SPATA31H1: variants seen among roughly 807,000 people sequenced by gnomAD.
SPATA31H1 encodes the protein SPATA31 subfamily H member 1.
chr2:27,548,134 A>G, the SPATA31H1 span, among the ~76,000 whole-genome samples: 1 of 151,556 alleles, frequency 6.6e-6, no homozygotes, highest in African/African-American at 2.4e-5. Context: ...GGCGCCTGCC[A>G]CTGTGCCTGG....
the SPATA31H1 span, among the ~76,000 whole-genome samples, chr2:27,559,654 A>G: frequency 6.6e-6 from 1 of 151,124 alleles, no homozygotes; most frequent in Non-Finnish European, 1.5e-5. Context: ...TGTTTCTATT[A>G]TTTTAGTGGT....
chr2:27,554,883 A>AT, the SPATA31H1 span, among the ~76,000 whole-genome samples: 150 of 151,900 alleles, frequency 9.9e-4, 3 homozygotes, highest in African/African-American at 3.4e-3. Context: ...CCTCTGGAGA[A>AT]TTTTTTGTAA....
chr2:27,562,652 C>T, the SPATA31H1 span, among the ~76,000 whole-genome samples: 3 of 151,164 alleles, frequency 2.0e-5, no homozygotes, highest in Admixed American at 1.3e-4. Context: ...TTTGGGAGGC[C>T]GAGGCAGGTG....
At chr2:27,566,837 C>T in the SPATA31H1 span, 1 of 717,748 alleles carries the variant, frequency 1.4e-6, no homozygotes, top group Non-Finnish European at 2.6e-6. Flanking sequence ...GCTGTTGTGA[C>T]TATAAGAAAG....
the SPATA31H1 span, chr2:27,579,781 ATT>A: frequency 1.2e-6 from 2 of 1,614,160 alleles, no homozygotes; most frequent in Non-Finnish European, 1.7e-6. Flanking sequence ...CTCAAGCCAA[ATT>A]ATCTTTCCCA....
the SPATA31H1 span, among the ~76,000 whole-genome samples, chr2:27,548,110 T>A: frequency 1.3e-5 from 2 of 151,052 alleles, no homozygotes; most frequent in African/African-American, 4.9e-5. Context: ...GCCTCCCCAG[T>A]AGCTGGGACT....
At chr2:27,569,763 C>T in the SPATA31H1 span, 1 of 398,912 alleles carries the variant, frequency 2.5e-6, no homozygotes, top group Non-Finnish European at 4.4e-6. Flanking sequence ...GAGGGAAGAG[C>T]TCCAACGTGT....
the SPATA31H1 span, chr2:27,577,732 G>A: frequency 3.7e-6 from 6 of 1,614,040 alleles, no homozygotes; most frequent in Non-Finnish European, 5.1e-6. This position sits in a 1 kb window ranked among gnomAD's most constrained non-coding sequence, Gnocchi z 4.5. Flanking sequence ...CATCATGTGG[G>A]ATCTCCAGGG....
the SPATA31H1 span, chr2:27,575,246 T>A: frequency 2.5e-6 from 1 of 398,450 alleles, no homozygotes; most frequent in South Asian, 1.3e-4. The surrounding 1 kb of genome is among the most constrained non-coding windows in gnomAD (Gnocchi z 4.1). Flanking sequence ...AGATTCATAG[T>A]GTGGCACCTT....
At chr2:27,556,241 C>G in the SPATA31H1 span, among the ~76,000 whole-genome samples, 1 of 148,914 alleles carries the variant, frequency 6.7e-6, no homozygotes, top group East Asian at 2.0e-4. Context: ...ACACTTCTTG[C>G]ATCTAAGGCT....
the SPATA31H1 span, chr2:27,569,221 G>C: frequency 7.5e-6 from 3 of 398,884 alleles, no homozygotes; most frequent in Admixed American, 8.8e-5. Context: ...GAAATGCAAA[G>C]TGTGAAATCA....
the SPATA31H1 span, chr2:27,566,430 T>C: frequency 7.0e-6 from 5 of 709,542 alleles, no homozygotes; most frequent in African/African-American, 7.1e-5. Flanking sequence ...TGGTAGAGGT[T>C]TTAAAAAGAA....
At chr2:27,538,890 AC>A in the SPATA31H1 span, among the ~76,000 whole-genome samples, 4 of 151,924 alleles carry the variant, frequency 2.6e-5, 1 homozygote, top group Admixed American at 2.6e-4. Context: ...ACCTGCTCCT[AC>A]CCCCATTTCC....
chr2:27,579,224 A>G, the SPATA31H1 span: 11 of 1,614,100 alleles, frequency 6.8e-6, no homozygotes, highest in Admixed American at 5.0e-5. Context: ...GGCAGCGACT[A>G]CCAAGAAAAT....
the SPATA31H1 span, among the ~76,000 whole-genome samples, chr2:27,549,637 C>T: frequency 2.6e-5 from 4 of 151,670 alleles, no homozygotes; most frequent in African/African-American, 9.7e-5. Context: ...TGGTGAAACC[C>T]CATCTCTACT....
chr2:27,576,767 T>C, the SPATA31H1 span: 1 of 1,614,042 alleles, frequency 6.2e-7, no homozygotes. Context: ...CTTTGGAGTT[T>C]ACTGTAGAGC....
At chr2:27,571,251 C>T in the SPATA31H1 span, 12 of 398,398 alleles carry the variant, frequency 3.0e-5, no homozygotes, top group South Asian at 1.5e-3. Flanking sequence ...GGGCTCAAAG[C>T]TTCAATCTGA....
chr2:27,577,316 G>C, the SPATA31H1 span: 1 of 1,613,994 alleles, frequency 6.2e-7, no homozygotes, highest in Middle Eastern at 1.7e-4. This position sits in a 1 kb window ranked among gnomAD's most constrained non-coding sequence, Gnocchi z 4.5. Flanking sequence ...TTAAGGATGT[G>C]GGGGAGTTAT....
At chr2:27,569,811 A>C in the SPATA31H1 span, 1 of 398,956 alleles carries the variant, frequency 2.5e-6, no homozygotes, top group East Asian at 3.6e-5. Flanking sequence ...ATCTCAGCCA[A>C]GTGTCAAATC....
Sources: gnomAD v4.1 joint callset for allele counts (sites outside exome capture counted in the v4.1 genomes callset) on GRCh38, gnomAD v4.1.1 for gene constraint, Gnocchi (gnomAD v3.1) non-coding constraint, MANE v1.5 for transcripts, NCBI Gene and HGNC (gene_info 2026-07-23, HGNC 2026-07-21) for gene names.